The following KCNIP4 variants were observed in gnomAD, a reference collection of about 807,000 sequenced individuals.
KCNIP4 encodes potassium voltage-gated channel interacting protein 4.
In KCNIP4, 12 loss-of-function variants were observed where a neutral mutation model predicts 34.0. The ratio of observed to expected loss-of-function variants is 0.35; its 90% CI spans 0.23 to 0.57. KCNIP4 has a LOEUF of 0.57. Ranked by LOEUF, KCNIP4 falls within the 20% of genes least tolerant of loss-of-function variation. KCNIP4 has a pLI of 0.83. For synonymous variants in KCNIP4, 124 were observed against 102.2 expected (o/e 1.21, Z -1.29); for missense variants, 238 against 311.7 (o/e 0.76, Z 1.78).
At chr4:21,515,821 A>G (rs749281553) in intron 1 of KCNIP4, among the ~76,000 whole-genome samples, 4 of 152,148 alleles carry the variant, frequency 2.6e-5, no homozygotes, top group Non-Finnish European at 4.4e-5. Flanking sequence ...CCATGGGATG[A>G]CACTACAAGA....
At chr4:21,855,738 C>G (rs1724709645) in intron 1 of KCNIP4, 1 of 152,186 alleles carries the variant, frequency 6.6e-6, no homozygotes, top group Admixed American at 6.5e-5. Flanking sequence ...AGAATGCTTT[C>G]TACTGCTCCA....
intron 1 of KCNIP4, among the ~76,000 whole-genome samples, chr4:21,669,239 C>T (rs182611027): frequency 1.1e-4 from 16 of 150,336 alleles, no homozygotes; most frequent in Admixed American, 2.7e-4. Context: ...GATCCTCCTT[C>T]CCAGCCTCCT....
chr4:21,195,333 T>C lies in KCNIP4; in HGVS notation c.62-312624A>G, dbSNP rs1011282800. ...GAATATATGTGTACTCAAATATTAA[T>C]ACAGATAAAGTCTTATTTATGTCAG... On this transcript the variant is annotated intron_variant, in intron 1 of 8. Coordinates refer to ENST00000382152, the MANE Select transcript of KCNIP4 (RefSeq NM_025221.6). 9.2e-5 allele frequency among the ~76,000 whole-genome samples: 14 copies of C among 152,342 alleles called. No homozygotes were observed. In the South Asian group the frequency reaches 2.9e-3, roughly 32 times the overall value.
At position 21,897,250 on chromosome 4, in the gene KCNIP4, A is replaced by ATT. The variant is rs34580800; in HGVS notation, c.61+51319_61+51320dup. On this transcript the variant is annotated intron_variant, in intron 1 of 8. Transcript: ENST00000382152. Reference sequence around the variant, plus strand: ...TAGAAATAGAGATTTGAGAATAAGAATTTTTTTTTCCTTTTTGCCTATGTT... The same window carrying ATT: ...TAGAAATAGAGATTTGAGAATAAGAATTTTTTTTTTTCCTTTTTGCCTATGTT... 9.2e-5 allele frequency among the ~76,000 whole-genome samples: 14 copies of ATT among 151,620 alleles called. No homozygotes were observed. The East Asian group carries it at 2.1e-3, about 23-fold the overall frequency.
At chr4:21,429,491 G>A (rs1233979600) in intron 1 of KCNIP4, among the ~76,000 whole-genome samples, 5 of 152,098 alleles carry the variant, frequency 3.3e-5, no homozygotes, top group Non-Finnish European at 7.4e-5. Flanking sequence ...GCTCCTTTAA[G>A]TAAAGGCAAA....
intron 1 of KCNIP4, among the ~76,000 whole-genome samples, chr4:21,023,851 C>A (rs1156585700): frequency 6.6e-6 from 1 of 152,022 alleles, no homozygotes; most frequent in Admixed American, 6.6e-5. Context: ...CACTGCACTC[C>A]AGCCTGGGCA....
chr4:21,394,108 C>T (rs1722773684), intron 1 of KCNIP4, among the ~76,000 whole-genome samples: 1 of 152,066 alleles, frequency 6.6e-6, no homozygotes, highest in Non-Finnish European at 1.5e-5. Context: ...AAATTATGAA[C>T]CTATAGAATG....
intron 1 of KCNIP4, among the ~76,000 whole-genome samples, chr4:21,798,627 A>G (rs1371536802): frequency 6.6e-6 from 1 of 151,536 alleles, no homozygotes; most frequent in Admixed American, 6.6e-5. Context: ...CTATTCTCCA[A>G]TAGATTAAGA....
intron 1 of KCNIP4, among the ~76,000 whole-genome samples, chr4:21,692,972 C>T (rs914179868): frequency 5.3e-5 from 8 of 150,724 alleles, no homozygotes; most frequent in African/African-American, 1.5e-4. Context: ...TGAGAGAGTA[C>T]ATAGGAGAGA....
At chr4:20,870,371 C>T (rs931805304) in intron 2 of KCNIP4, among the ~76,000 whole-genome samples, 3 of 151,978 alleles carry the variant, frequency 2.0e-5, no homozygotes, top group East Asian at 3.9e-4. Flanking sequence ...CCCCTTCACC[C>T]GTCCATCATG....
At chr4:21,049,137 A>G (rs557519637) in intron 1 of KCNIP4, among the ~76,000 whole-genome samples, 168 of 150,880 alleles carry the variant, frequency 1.1e-3, no homozygotes, top group African/African-American at 4.0e-3. Context: ...TTTTTAGTAG[A>G]GACGGGGTTT....
chr4:21,145,686 C>T (rs1327710029), intron 1 of KCNIP4, among the ~76,000 whole-genome samples: 1 of 152,218 alleles, frequency 6.6e-6, no homozygotes, highest in South Asian at 2.1e-4. Flanking sequence ...GCTTTTCTCT[C>T]TGTGCAGCTA....
At chr4:20,975,156 A>G (rs749477053) in intron 1 of KCNIP4, among the ~76,000 whole-genome samples, 76 of 152,242 alleles carry the variant, frequency 5.0e-4, no homozygotes, top group Admixed American at 1.2e-3. Flanking sequence ...GTCTCACTTC[A>G]AAGACCATGA....
chr4:21,919,894 T>C (rs1728843453), intron 1 of KCNIP4, among the ~76,000 whole-genome samples: 2 of 152,204 alleles, frequency 1.3e-5, no homozygotes, highest in South Asian at 2.1e-4. Context: ...AGATTTCTTG[T>C]TAAGTAAATC....
intron 1 of KCNIP4, among the ~76,000 whole-genome samples, chr4:21,204,961 A>C (rs1560172479): frequency 6.6e-6 from 1 of 152,222 alleles, no homozygotes; most frequent in Non-Finnish European, 1.5e-5. Context: ...TGGGACTTTC[A>C]AAATTGCTAC....
At chr4:21,753,467 G>A (rs1045401996) in intron 1 of KCNIP4, among the ~76,000 whole-genome samples, 1 of 152,110 alleles carries the variant, frequency 6.6e-6, no homozygotes, top group African/African-American at 2.4e-5. Context: ...GCAGAGTTTG[G>A]AACCAGGAGC....
chr4:21,931,544 C>T (rs893661071), intron 1 of KCNIP4, among the ~76,000 whole-genome samples: 3 of 151,220 alleles, frequency 2.0e-5, no homozygotes, highest in Non-Finnish European at 4.4e-5. Flanking sequence ...TTGGGATAGT[C>T]TGCTGAGAAT....
At position 21,190,203 on chromosome 4, in the gene KCNIP4, A is replaced by G. The variant is rs185952402; in HGVS notation, c.62-307494T>C. On this transcript the variant is annotated intron_variant, in intron 1 of 8. Transcript: ENST00000382152. Reference sequence around the variant, plus strand: ...ATTGTTGTTGCTTCCTTTGCTAAGTATAATCTACTAAACAATCTTGGAGTT... The same window carrying G: ...ATTGTTGTTGCTTCCTTTGCTAAGTGTAATCTACTAAACAATCTTGGAGTT... Among the ~76,000 whole-genome samples the G allele has an allele frequency of 2.0e-5, 3 of 152,340 alleles. No individual in the cohort carries two copies. In the East Asian group the frequency reaches 5.8e-4, roughly 29 times the overall value.
intron 1 of KCNIP4, among the ~76,000 whole-genome samples, chr4:21,567,245 T>C (rs1439244562): frequency 7.3e-6 from 1 of 136,826 alleles, no homozygotes; most frequent in Non-Finnish European, 1.6e-5. Context: ...CTATATATTA[T>C]ATAGATATGT....
Sources: gnomAD v4.1 joint callset for allele counts (sites outside exome capture counted in the v4.1 genomes callset) on GRCh38, gnomAD v4.1.1 for gene constraint, MANE v1.5 for transcripts, NCBI Gene and HGNC (gene_info 2026-07-23, HGNC 2026-07-21) for gene names.